NLGN1: variants seen among roughly 807,000 people sequenced by gnomAD.
The protein encoded by NLGN1 is neuroligin 1.
In NLGN1, 12 loss-of-function variants were observed where a neutral mutation model predicts 65.5. The ratio of observed to expected loss-of-function variants is 0.18; its 90% CI spans 0.12 to 0.30. The LOEUF is 0.30. Ranked by LOEUF, NLGN1 falls within the 10% of genes least tolerant of loss-of-function variation. The pLI, the probability that NLGN1 is intolerant of heterozygous loss-of-function variation, is 1.00. For synonymous variants in NLGN1, 350 were observed against 359.5 expected (o/e 0.97, Z 0.30); for missense variants, 750 against 1,007.1 (o/e 0.74, Z 3.46).
At chr3:174,203,129 T>C (rs1412516703) in intron 4 of NLGN1, among the ~76,000 whole-genome samples, 1 of 152,192 alleles carries the variant, frequency 6.6e-6, no homozygotes, top group African/African-American at 2.4e-5. Flanking sequence ...CCTATGATTA[T>C]GAGAGTTCTT....
At chr3:174,058,540 T>C (rs1736671193) in intron 4 of NLGN1, among the ~76,000 whole-genome samples, 1 of 152,062 alleles carries the variant, frequency 6.6e-6, no homozygotes, top group African/African-American at 2.4e-5. Flanking sequence ...ACACAGTAGG[T>C]AGATACTCGT....
chr3:173,644,214 C>A (rs914829544), intron 3 of NLGN1: 1 of 152,516 alleles, frequency 6.6e-6, no homozygotes, highest in Non-Finnish European at 1.5e-5. Flanking sequence ...AACAAGGAGC[C>A]AGCCCCAGTC....
exon 7 of NLGN1, chr3:174,284,273 T>C (rs1410048715): frequency 6.6e-6 from 1 of 151,358 alleles, no homozygotes; most frequent in Non-Finnish European, 1.5e-5. Context: ...GTCTCTAGTT[T>C]CTGAATGAAA....
At chr3:174,161,986 G>C (rs895824471) in intron 4 of NLGN1, among the ~76,000 whole-genome samples, 9 of 151,826 alleles carry the variant, frequency 5.9e-5, no homozygotes, top group Non-Finnish European at 1.5e-5. Flanking sequence ...GCTTAACATG[G>C]ATGGTCCAAA....
At chr3:173,685,443 A>G (rs1764545633) in intron 3 of NLGN1, among the ~76,000 whole-genome samples, 1 of 152,220 alleles carries the variant, frequency 6.6e-6, no homozygotes, top group East Asian at 1.9e-4. Context: ...AAACACTGTT[A>G]TAAAAATGCT....
intron 4 of NLGN1, among the ~76,000 whole-genome samples, chr3:174,075,129 T>C (rs572695794): frequency 6.6e-6 from 1 of 152,286 alleles, no homozygotes; most frequent in East Asian, 1.9e-4. Flanking sequence ...AAATCTACCA[T>C]AAATCTGCAT....
At chr3:174,246,424 T>C (rs1743805960) in intron 4 of NLGN1, among the ~76,000 whole-genome samples, 1 of 152,114 alleles carries the variant, frequency 6.6e-6, no homozygotes. Context: ...CCTAATTCCA[T>C]TTTTTTAAAA....
At chr3:174,195,973 C>T (rs1409789528) in intron 4 of NLGN1, among the ~76,000 whole-genome samples, 3 of 152,050 alleles carry the variant, frequency 2.0e-5, no homozygotes, top group Non-Finnish European at 4.4e-5. Context: ...TCCCCGGGCT[C>T]CTTAATGCTC....
chr3:173,873,626 T>C (rs1209523813), intron 4 of NLGN1, among the ~76,000 whole-genome samples: 1 of 152,226 alleles, frequency 6.6e-6, no homozygotes, highest in Non-Finnish European at 1.5e-5. Context: ...TAGAAGATGG[T>C]TTATGCATTT....
Position 173,534,830 on chromosome 3 carries a change from C to T in NLGN1, c.-320-69449C>T, listed in dbSNP as rs116645836. Reference sequence around the variant, plus strand: ...GTTTCCACATTTCCTTTCCTCACACCTGCCCAACTCTGGTGGAGCTCCCCA... The same window carrying T: ...GTTTCCACATTTCCTTTCCTCACACTTGCCCAACTCTGGTGGAGCTCCCCA... On this transcript the variant is annotated intron_variant, in intron 2 of 6. Transcript: ENST00000457714. 7.7e-3 allele frequency among the ~76,000 whole-genome samples: 1,173 copies of T among 152,286 alleles called. 22 individuals carry two copies. Among genetic ancestry groups the T allele is most frequent in the African/African-American group, 0.026 (1,093 of 41,566 alleles).
chr3:173,440,921 A>G (rs1272679946), intron 2 of NLGN1, among the ~76,000 whole-genome samples: 2 of 152,210 alleles, frequency 1.3e-5, no homozygotes. Flanking sequence ...ATCTTCTTCT[A>G]ATAGAAGGCT....
intron 4 of NLGN1, among the ~76,000 whole-genome samples, chr3:174,056,918 A>G (rs9843146): frequency 1.3e-4 from 19 of 151,152 alleles, no homozygotes; most frequent in Admixed American, 1.1e-3. Context: ...ATATATATAT[A>G]TTTTTTTTCA....
At chr3:173,742,286 C>A (rs528915135) in intron 3 of NLGN1, among the ~76,000 whole-genome samples, 2 of 152,198 alleles carry the variant, frequency 1.3e-5, no homozygotes, top group South Asian at 4.1e-4. Context: ...TAGGAGAACT[C>A]AGATTCTCTT....
intron 4 of NLGN1, among the ~76,000 whole-genome samples, chr3:173,852,123 G>T (rs1427198768): frequency 2.6e-5 from 4 of 151,588 alleles, no homozygotes; most frequent in African/African-American, 9.7e-5. Context: ...TTGGGAGGCC[G>T]AGGCGGGCGG....
intron 3 of NLGN1, among the ~76,000 whole-genome samples, chr3:173,697,886 G>C (rs1766471373): frequency 6.6e-6 from 1 of 152,080 alleles, no homozygotes; most frequent in South Asian, 2.1e-4. Context: ...TTATAGGTCA[G>C]ACCCTCTCTG....
At chr3:173,680,105 G>A (rs557821650) in intron 3 of NLGN1, among the ~76,000 whole-genome samples, 1 of 152,260 alleles carries the variant, frequency 6.6e-6, no homozygotes, top group Admixed American at 6.5e-5. Flanking sequence ...GAGAAAAGAA[G>A]ATGAGGGTAG....
chr3:174,118,043 G>A (rs1407890786), intron 4 of NLGN1, among the ~76,000 whole-genome samples: 3 of 152,108 alleles, frequency 2.0e-5, no homozygotes, highest in Non-Finnish European at 4.4e-5. Context: ...GTCATTAGTA[G>A]TTATTTGTTG....
At chr3:173,452,684 G>A (rs1721821038) in intron 2 of NLGN1, among the ~76,000 whole-genome samples, 1 of 152,108 alleles carries the variant, frequency 6.6e-6, no homozygotes, top group South Asian at 2.1e-4. Flanking sequence ...CATTAGTCAA[G>A]GTTATCTAGC....
intron 3 of NLGN1, among the ~76,000 whole-genome samples, chr3:173,718,495 T>C (rs1039928268): frequency 7.2e-5 from 11 of 152,176 alleles, no homozygotes; most frequent in Admixed American, 6.6e-4. Context: ...GTAAATCGAT[T>C]TTATAATCCA....
Sources: allele counts gnomAD v4.1 joint callset (sites outside exome capture counted in the v4.1 genomes callset), GRCh38; gene constraint gnomAD v4.1.1; transcripts MANE v1.5; gene names NCBI Gene and HGNC (gene_info 2026-07-23, HGNC 2026-07-21).